Variants in SLCO1B3 observed in about 807,000 individuals in gnomAD.
SLCO1B3 encodes solute carrier organic anion transporter family member 1B3.
SLCO1B3 carries 72 observed loss-of-function variants against 71.8 expected under a neutral mutation model. The ratio of observed to expected loss-of-function variants is 1.00; its 90% CI spans 0.83 to 1.22. SLCO1B3 has a LOEUF of 1.22. Among genes scored for constraint, SLCO1B3 ranks in the 50% most tolerant of loss-of-function variants. SLCO1B3 has a pLI of 0.00. For missense variants in SLCO1B3, 911 were observed against 819.7 expected, an observed-to-expected ratio of 1.11 and a Z score of -1.36; for synonymous variants, 298 against 278.4, an observed-to-expected ratio of 1.07 and a Z score of -0.70.
intron 13 of SLCO1B3, among the ~76,000 whole-genome samples, chr12:20,897,811 G>C (rs1176487917): frequency 6.6e-6 from 1 of 152,170 alleles, no homozygotes; most frequent in East Asian, 1.9e-4. Flanking sequence ...AGGGATGGTA[G>C]TGTCATCAGT....
chr12:20,879,398 T>C, intron 10 of SLCO1B3, 38 bp from the exon 11 acceptor site: 3 of 1,393,658 alleles, frequency 2.2e-6, no homozygotes, highest in Non-Finnish European at 2.0e-6. Context: ...AAACCATATT[T>C]GTATAATTAT....
chr12:20,869,178 T>C (rs1865430368), intron 8 of SLCO1B3, among the ~76,000 whole-genome samples: 1 of 152,018 alleles, frequency 6.6e-6, no homozygotes, highest in South Asian at 2.1e-4. Flanking sequence ...AAGTAGCGGG[T>C]GTTGTTCCTT....
intron 14 of SLCO1B3, among the ~76,000 whole-genome samples, chr12:20,900,937 T>C (rs774915630): frequency 5.9e-5 from 9 of 152,198 alleles, no homozygotes; most frequent in Non-Finnish European, 1.3e-4. Flanking sequence ...CTTTTCCTTT[T>C]CTCAAGAAGT....
At chr12:20,815,997 CTGAT>C (rs1242286650) in intron 3 of SLCO1B3, among the ~76,000 whole-genome samples, 175 bp downstream of exon 3, 5 of 152,130 alleles carry the variant, frequency 3.3e-5, no homozygotes, top group African/African-American at 1.2e-4. Context: ...AGTTTTTAAT[CTGAT>C]TGAAGTTATT....
chr12:20,869,023 G>A (rs763827285), intron 8 of SLCO1B3, among the ~76,000 whole-genome samples: 12 of 152,224 alleles, frequency 7.9e-5, no homozygotes, highest in South Asian at 2.1e-4. Context: ...GACTAGGAAC[G>A]TGACCACTGA....
At position 20,884,902 on chromosome 12, in the gene SLCO1B3, A is replaced by C. The variant is rs79331889; in HGVS notation, c.1682+1300A>C. Among the ~76,000 whole-genome samples, 96 of 152,260 alleles carry C rather than the reference A, an allele frequency of 6.3e-4. 3 individuals carry two copies. In the East Asian group the frequency reaches 0.018, roughly 28 times the overall value. ...ATTTTCTTAAATTCATACCATAAAT[A>C]TTCCACAAGTATAGCTTCATCTTAA... On this transcript the variant is annotated intron_variant, in intron 13 of 15. Transcript: ENST00000381545.
At chr12:20,825,517 T>C (rs1351738791) in intron 3 of SLCO1B3, among the ~76,000 whole-genome samples, 1 of 152,112 alleles carries the variant, frequency 6.6e-6, no homozygotes, top group Non-Finnish European at 1.5e-5. Flanking sequence ...CAGAATAGGC[T>C]GGCCACGGTG....
At chr12:20,911,772 A>G (rs981705851) in intron 15 of SLCO1B3, among the ~76,000 whole-genome samples, 2 of 152,118 alleles carry the variant, frequency 1.3e-5, no homozygotes, top group Non-Finnish European at 2.9e-5. Flanking sequence ...AATGGGGTCT[A>G]CAGTGATGTT....
chr12:20,914,735 A>G (rs11045596), intron 15 of SLCO1B3, among the ~76,000 whole-genome samples: 4,653 of 152,200 alleles, frequency 0.031, 198 homozygotes, highest in East Asian at 0.1. Context: ...TTTGTATGAC[A>G]GTGTCTTTAT....
chr12:20,897,127 C>T (rs1866025706), intron 13 of SLCO1B3, among the ~76,000 whole-genome samples: 1 of 152,120 alleles, frequency 6.6e-6, no homozygotes, highest in South Asian at 2.1e-4. Flanking sequence ...CAAATCGTAT[C>T]AGATTCATTG....
intron 3 of SLCO1B3, among the ~76,000 whole-genome samples, chr12:20,851,631 T>C (rs1184563500): frequency 6.6e-6 from 1 of 152,202 alleles, no homozygotes; most frequent in Non-Finnish European, 1.5e-5. Context: ...AATTTTCATC[T>C]TGTTTCTTTT....
At chr12:20,855,414 A>G (rs1865113822) in intron 4 of SLCO1B3, among the ~76,000 whole-genome samples, 1 of 152,168 alleles carries the variant, frequency 6.6e-6, no homozygotes, top group Admixed American at 6.6e-5. Flanking sequence ...AGACTTACCA[A>G]CAAAGAATTA....
At chr12:20,841,803 A>T (rs1864809545) in intron 3 of SLCO1B3, among the ~76,000 whole-genome samples, 1 of 151,052 alleles carries the variant, frequency 6.6e-6, no homozygotes, top group South Asian at 2.1e-4. Context: ...GGATTTTTTT[A>T]TGTCCGAATA....
intron 4 of SLCO1B3, among the ~76,000 whole-genome samples, chr12:20,857,873 C>G (rs1167591878): frequency 6.6e-6 from 1 of 152,078 alleles, no homozygotes; most frequent in Non-Finnish European, 1.5e-5. Flanking sequence ...AATTTATACT[C>G]AACATTACAT....
intron 13 of SLCO1B3, among the ~76,000 whole-genome samples, chr12:20,891,669 GT>G (rs1238498346): frequency 2.0e-5 from 3 of 152,016 alleles, no homozygotes; most frequent in Admixed American, 6.6e-5. Flanking sequence ...TGATTCATAA[GT>G]TTGTATGCAT....
chr12:20,864,665 A>G (rs1865338036), intron 8 of SLCO1B3, among the ~76,000 whole-genome samples: 1 of 152,168 alleles, frequency 6.6e-6, no homozygotes, highest in East Asian at 1.9e-4. Context: ...TTAGGATAGT[A>G]GTTTTGTAGC....
At chr12:20,907,321 CACAG>C (rs1158126908) in intron 15 of SLCO1B3, among the ~76,000 whole-genome samples, 1 of 152,058 alleles carries the variant, frequency 6.6e-6, no homozygotes, top group African/African-American at 2.4e-5. Flanking sequence ...TTCAGCAGCC[CACAG>C]ACATTCTCTT....
At chr12:20,816,378 A>G (rs1864194180) in intron 3 of SLCO1B3, among the ~76,000 whole-genome samples, 1 of 152,076 alleles carries the variant, frequency 6.6e-6, no homozygotes, top group Admixed American at 6.6e-5. Flanking sequence ...GCCTCTGGTA[A>G]CCATCCTTCT....
At chr12:20,828,302 TAAA>T (rs33953453) in intron 3 of SLCO1B3, among the ~76,000 whole-genome samples, 376 of 140,676 alleles carry the variant, frequency 2.7e-3, no homozygotes, top group Middle Eastern at 3.7e-3. Context: ...ACTATTTTAG[TAAA>T]AAAAAAAAAA....
Sources: gnomAD v4.1 joint callset for allele counts (sites outside exome capture counted in the v4.1 genomes callset) on GRCh38, gnomAD v4.1.1 for gene constraint, MANE v1.5 for transcripts, NCBI Gene and HGNC (gene_info 2026-07-23, HGNC 2026-07-21) for gene names.